Variants in ATXN1 observed in about 807,000 individuals in gnomAD.
ATXN1 encodes the protein ataxin-1.
ATXN1 carries 8 observed loss-of-function variants against 56.4 expected under a neutral mutation model. The ratio of observed to expected loss-of-function variants is 0.14; its 90% CI spans 0.08 to 0.26. The LOEUF (loss-of-function observed/expected upper bound fraction) is 0.26. Ranked by LOEUF, ATXN1 falls within the 10% of genes least tolerant of loss-of-function variation. The pLI is 1.00. For missense variants in ATXN1, 987 were observed against 1,106.5 expected (o/e 0.89, Z 1.53); for synonymous variants, 514 against 494.6 (o/e 1.04, Z -0.52).
intron 3 of ATXN1, among the ~76,000 whole-genome samples, chr6:16,587,354 A>G (rs1166453814): frequency 6.6e-6 from 1 of 152,238 alleles, no homozygotes; most frequent in Non-Finnish European, 1.5e-5. Flanking sequence ...ATGAAAATGA[A>G]GAGAGGAATT....
At chr6:16,347,174 C>T (rs1761429897) in intron 6 of ATXN1, among the ~76,000 whole-genome samples, 1 of 152,220 alleles carries the variant, frequency 6.6e-6, no homozygotes, top group Non-Finnish European at 1.5e-5. Context: ...AGCGCCGCCC[C>T]CTGCTCCACA....
chr6:16,405,910 C>T (rs982097550), intron 6 of ATXN1, among the ~76,000 whole-genome samples: 2 of 152,030 alleles, frequency 1.3e-5, no homozygotes, highest in African/African-American at 4.8e-5. Context: ...GGAAGGAAGG[C>T]CGCACTGCAG....
intron 6 of ATXN1, among the ~76,000 whole-genome samples, chr6:16,467,820 C>A (rs1760137594): frequency 6.6e-6 from 1 of 152,160 alleles, no homozygotes; most frequent in South Asian, 2.1e-4. Flanking sequence ...CTGTTAACAA[C>A]CCTGTCCAAA....
intron 2 of ATXN1, among the ~76,000 whole-genome samples, chr6:16,745,876 T>G (rs943426435): frequency 1.3e-5 from 2 of 152,018 alleles, no homozygotes; most frequent in African/African-American, 4.8e-5. Flanking sequence ...ATACCTCAAA[T>G]GCAGCACTTT....
chr6:16,402,361 C>T (rs778529037), intron 6 of ATXN1, among the ~76,000 whole-genome samples: 1 of 143,228 alleles, frequency 7.0e-6, no homozygotes, highest in African/African-American at 2.6e-5. Flanking sequence ...GTTCTCCTTC[C>T]TTTTTATTTA....
chr6:16,733,000 T>C (rs965319461), intron 2 of ATXN1, among the ~76,000 whole-genome samples: 9 of 152,234 alleles, frequency 5.9e-5, no homozygotes, highest in Admixed American at 5.2e-4. Flanking sequence ...CCTCTTTACC[T>C]ATTTTTTAAA....
intron 6 of ATXN1, among the ~76,000 whole-genome samples, chr6:16,381,077 G>T (rs1758098928): frequency 6.6e-6 from 1 of 152,162 alleles, no homozygotes; most frequent in Non-Finnish European, 1.5e-5. Flanking sequence ...GGATCATGAG[G>T]TCAGGAGTTC....
At chr6:16,399,223 G>A (rs909425424) in intron 6 of ATXN1, among the ~76,000 whole-genome samples, 2 of 152,342 alleles carry the variant, frequency 1.3e-5, no homozygotes, top group East Asian at 1.9e-4. Flanking sequence ...GAAATTCTTA[G>A]AGGTCACTAG....
intron 6 of ATXN1, among the ~76,000 whole-genome samples, chr6:16,340,840 G>A (rs772064173): frequency 9.9e-5 from 15 of 152,238 alleles, no homozygotes; most frequent in Non-Finnish European, 1.6e-4. Context: ...CCAGGGAACA[G>A]GCAGATGGGT....
At chr6:16,694,260 T>C (rs1466035026) in intron 2 of ATXN1, among the ~76,000 whole-genome samples, 3 of 149,218 alleles carry the variant, frequency 2.0e-5, no homozygotes, top group African/African-American at 4.9e-5. Flanking sequence ...TTCTTTTTTT[T>C]TTTTTTTTAA....
intron 2 of ATXN1, among the ~76,000 whole-genome samples, chr6:16,670,049 G>A (rs958347172): frequency 2.0e-5 from 3 of 151,962 alleles, no homozygotes; most frequent in Non-Finnish European, 4.4e-5. Context: ...TCCTGGGTCT[G>A]GTCACTTCTG....
At position 16,559,494 on chromosome 6, in the gene ATXN1, C is replaced by T. The variant is rs116338086; in HGVS notation, c.-361+26286G>A. Among the ~76,000 whole-genome samples, 1,398 of 152,146 alleles carry T rather than the reference C, an allele frequency of 9.2e-3. 11 individuals carry two copies. The highest frequency in any genetic ancestry group is 0.012 in the Non-Finnish European group (814 of 68,006). ...TCTATGTTCCGATAAGAAAGGTTTT[C>T]CAGGACACACTGTTAGGTGAAAAGA... On this transcript the variant is annotated intron_variant, in intron 4 of 7. Transcript: ENST00000436367.
chr6:16,504,206 C>T (rs993156010), intron 5 of ATXN1, among the ~76,000 whole-genome samples: 2 of 152,148 alleles, frequency 1.3e-5, no homozygotes, highest in East Asian at 1.9e-4. Flanking sequence ...AAATGAATTT[C>T]CTGGATAATT....
At chr6:16,484,503 G>C (rs76463104) in intron 6 of ATXN1, among the ~76,000 whole-genome samples, 1 of 152,036 alleles carries the variant, frequency 6.6e-6, no homozygotes, top group Non-Finnish European at 1.5e-5. Context: ...ATTGTTTTAT[G>C]GGGGCTCGCG....
At position 16,584,243 on chromosome 6, in the gene ATXN1, T is replaced by TATATATATATATATATAC. The variant is rs1403082306; in HGVS notation, c.-361+1536_-361+1537insGTATATATATATATATAT. On this transcript the variant is annotated intron_variant, in intron 4 of 7. Transcript: ENST00000436367. Reference sequence around the variant, plus strand: ...TTGGACATATATATATATATATATATACACACACACACACACACACACACA... The same window carrying TATATATATATATATATAC: ...TTGGACATATATATATATATATATATATATATATATATATATACACACACACACACACACACACACACA... Among the ~76,000 whole-genome samples the TATATATATATATATATAC allele has an allele frequency of 5.9e-5, 7 of 118,520 alleles. No homozygotes were observed. In the East Asian group the frequency reaches 1.2e-3, roughly 20 times the overall value. 77.8% of individuals were successfully genotyped at this position (118,520 alleles called of 152,430 possible).
intron 5 of ATXN1, among the ~76,000 whole-genome samples, chr6:16,493,719 C>T (rs1219904763): frequency 1.3e-5 from 2 of 152,012 alleles, no homozygotes; most frequent in African/African-American, 2.4e-5. Flanking sequence ...TACTTGAAGA[C>T]GTTATATGTC....
At chr6:16,701,282 G>A (rs1374467947) in intron 2 of ATXN1, among the ~76,000 whole-genome samples, 2 of 152,250 alleles carry the variant, frequency 1.3e-5, no homozygotes, top group Non-Finnish European at 2.9e-5. Flanking sequence ...GCGCTCAGGC[G>A]ATGGAGCACC....
intron 2 of ATXN1, among the ~76,000 whole-genome samples, chr6:16,715,173 C>T (rs1150626): frequency 0.5 from 76,423 of 151,936 alleles, 19,509 homozygotes; most frequent in South Asian, 0.67. Context: ...ATGCCACATC[C>T]GCTAAAAATC....
At chr6:16,688,321 TTGATA>T (rs1758962033) in intron 2 of ATXN1, among the ~76,000 whole-genome samples, 1 of 152,150 alleles carries the variant, frequency 6.6e-6, no homozygotes, top group African/African-American at 2.4e-5. Context: ...GAAAACACAC[TTGATA>T]TAAGTAAATG....
Sources: gnomAD v4.1 joint callset for allele counts (sites outside exome capture counted in the v4.1 genomes callset) on GRCh38, gnomAD v4.1.1 for gene constraint, MANE v1.5 for transcripts, NCBI Gene and HGNC (gene_info 2026-07-23, HGNC 2026-07-21) for gene names.